Variants in SMAP2 observed in about 807,000 individuals in gnomAD.
The protein encoded by SMAP2 is small ArfGAP2.
In SMAP2, 25 loss-of-function variants were observed where a neutral mutation model predicts 56.4. That is an observed-to-expected ratio of 0.44 (90% CI 0.32 to 0.62). SMAP2 has a LOEUF of 0.62. Among genes scored for constraint, SMAP2 ranks in the 20% least tolerant of loss-of-function variants. The pLI is 0.04. For missense variants in SMAP2, 388 were observed against 545.6 expected (o/e 0.71, Z 2.88); for synonymous variants, 157 against 181.7 (o/e 0.86, Z 1.09).
intron 7 of SMAP2, 34 bp downstream of exon 7, chr1:40,415,415 A>T: frequency 1.5e-6 from 2 of 1,334,608 alleles, no homozygotes; most frequent in Non-Finnish European, 2.2e-6. Flanking sequence ...ATTAAAGAAC[A>T]TTCTGAAATG....
rs150616305 is a variant in SMAP2 at position 40,387,710 on chromosome 1, G to T, written c.103+13487G>T. ...CGTGCTGGCAGCCCTCACAGCCCTC[G>T]CTCGCTCTCGGTGCCTCCTCGGCCT... On this transcript the variant is annotated intron_variant, in intron 1 of 9. Coordinates refer to ENST00000372718, the MANE Select transcript of SMAP2 (RefSeq NM_022733.3). 8.7e-3 allele frequency among the ~76,000 whole-genome samples: 1,324 copies of T among 152,260 alleles called. 14 individuals are homozygous for T. The highest frequency in any genetic ancestry group is 0.03 in the African/African-American group (1,258 of 41,546).
chr1:40,408,013 A>G lies in SMAP2; in HGVS notation c.238-640A>G, dbSNP rs1189593113. Among the ~76,000 whole-genome samples, 1 of 150,614 alleles carries G rather than the reference A, an allele frequency of 6.6e-6. No individual in the cohort carries two copies. The highest frequency in any genetic ancestry group is 1.5e-5 in the Non-Finnish European group (1 of 67,608). On this transcript the variant is annotated intron_variant, in intron 2 of 9. Transcript: ENST00000372718. This position sits in a 1 kb window ranked among gnomAD's most constrained non-coding sequence, Gnocchi z 4.3. ...GGGAAGCCCCCCGCCCCCCAAATCC[A>G]GTTGCTAAAGTTGGTAATGGAAATC...
rs1386635707 is a variant in SMAP2, at chr1:40,359,997, C to CT, written c.-82-2301dup. ...ACAAAAGACAGACTTTTTTCTTCTT[C>CT]TTCTTTCTTTTTTTTTTTTTTTTTT... is the stretch of plus-strand genomic sequence containing the variant. On this transcript the variant is annotated intron_variant, in intron 1 of 6. Transcript: ENST00000435168. 1.7e-4 allele frequency among the ~76,000 whole-genome samples: 20 copies of CT among 119,300 alleles called. No homozygotes were observed. In the Admixed American group the frequency reaches 1.8e-3, roughly 11 times the overall value. 78.3% of individuals were successfully genotyped at this position (119,300 alleles called of 152,430 possible).
At chr1:40,352,970 T>A (rs1644415315) in intron 1 of SMAP2, among the ~76,000 whole-genome samples, 1 of 152,252 alleles carries the variant, frequency 6.6e-6, no homozygotes, top group Admixed American at 6.5e-5. Context: ...AAGACTACGT[T>A]TGCAGATGGA....
chr1:40,413,548 C>T (rs369046545), intron 5 of SMAP2, among the ~76,000 whole-genome samples: 4 of 152,200 alleles, frequency 2.6e-5, no homozygotes, highest in Non-Finnish European at 5.9e-5. Flanking sequence ...CATGTTGAAA[C>T]AGACACCCTT....
At chr1:40,376,057 TC>T (rs923918128) in intron 1 of SMAP2, among the ~76,000 whole-genome samples, 74 of 152,260 alleles carry the variant, frequency 4.9e-4, no homozygotes, top group African/African-American at 1.7e-3. Flanking sequence ...TTCAAGTGAT[TC>T]TCCTGCCTCA....
intron 1 of SMAP2, among the ~76,000 whole-genome samples, chr1:40,398,221 C>T (rs890756788): frequency 1.3e-5 from 2 of 151,780 alleles, no homozygotes; most frequent in Non-Finnish European, 1.5e-5. Flanking sequence ...TGTGCATACG[C>T]GTACATTTAT....
chr1:40,379,333 A>T (rs1279231773), intron 1 of SMAP2, among the ~76,000 whole-genome samples: 5 of 152,080 alleles, frequency 3.3e-5, no homozygotes, highest in Non-Finnish European at 7.3e-5. Flanking sequence ...AAACAATTAC[A>T]TTTAAATATA....
intron 1 of SMAP2, among the ~76,000 whole-genome samples, chr1:40,395,874 C>T (rs2124294250): frequency 6.6e-6 from 1 of 152,316 alleles, no homozygotes; most frequent in African/African-American, 2.4e-5. Context: ...TTTAAGTTAA[C>T]TGCTGAATTA....
At chr1:40,417,154 G>C in intron 9 of SMAP2, 58 bp downstream of exon 9, 1 of 1,269,690 alleles carries the variant, frequency 7.9e-7, no homozygotes, top group South Asian at 1.4e-5. Context: ...AGTTTTTCTC[G>C]GTTTGTACCT....
intron 1 of SMAP2, among the ~76,000 whole-genome samples, chr1:40,402,640 G>A (rs889903929): frequency 6.6e-6 from 1 of 151,886 alleles, no homozygotes; most frequent in African/African-American, 2.4e-5. Flanking sequence ...TAGTAGAGAT[G>A]GGGTTTCACC....
upstream of SMAP2, among the ~76,000 whole-genome samples, chr1:40,371,064 T>C (rs895462790): frequency 1.3e-5 from 2 of 151,922 alleles, no homozygotes; most frequent in African/African-American, 4.8e-5. Flanking sequence ...TCCTAGCTAC[T>C]TGGGAGGCTG....
At chr1:40,405,475 G>A (rs962415723) in intron 1 of SMAP2, among the ~76,000 whole-genome samples, 8 of 152,294 alleles carry the variant, frequency 5.3e-5, no homozygotes, top group South Asian at 2.1e-4. Context: ...GGGTGACAGC[G>A]AGACTGCCTC....
chr1:40,357,914 T>G (rs1484990256), intron 1 of SMAP2, among the ~76,000 whole-genome samples: 2 of 152,162 alleles, frequency 1.3e-5, no homozygotes, highest in East Asian at 3.8e-4. Flanking sequence ...TTCTGGGTCT[T>G]TTGTGGTTTC....
intron 1 of SMAP2, among the ~76,000 whole-genome samples, chr1:40,352,027 T>C (rs996395332): frequency 1.5e-3 from 224 of 152,150 alleles, no homozygotes; most frequent in Non-Finnish European, 2.7e-3. Flanking sequence ...ATCCATGAAT[T>C]TTTTTTTCTT....
Position 40,413,052 on chromosome 1 carries a change from C to T in SMAP2, c.439C>T (p.Pro147Ser). 1 of 1,613,462 alleles carries T rather than the reference C, an allele frequency of 6.2e-7. No homozygotes were observed. Among genetic ancestry groups the T allele is most frequent in the Non-Finnish European group, 8.5e-7 (1 of 1,179,746 alleles). Residue 147 changes from proline (P) to serine (S), a missense_variant, in exon 5 of 10, where the codon CCA becomes TCA. Coordinates refer to ENST00000372718, the MANE Select transcript of SMAP2 (RefSeq NM_022733.3). The stretch of plus-strand genomic sequence containing the variant: ...TGACAAGTGGAAAAGAGGGAGCGAA[C>T]CAGTTCCAGAAAAAAAATTGGAACC... ...KDDKWKRGSE[P>S]VPEKKLEPVV...
chr1:40,410,768 A>T (rs1644927913), intron 4 of SMAP2, among the ~76,000 whole-genome samples: 1 of 152,212 alleles, frequency 6.6e-6, no homozygotes, highest in African/African-American at 2.4e-5. Flanking sequence ...ATGATTTCTG[A>T]AAGAGGAAAA....
chr1:40,358,926 A>G (rs574700680), intron 1 of SMAP2, among the ~76,000 whole-genome samples: 1 of 152,120 alleles, frequency 6.6e-6, no homozygotes, highest in Non-Finnish European at 1.5e-5. Context: ...AGATATATAC[A>G]TCCTCTTGCT....
At chr1:40,379,561 T>G (rs1644576574) in intron 1 of SMAP2, among the ~76,000 whole-genome samples, 1 of 145,986 alleles carries the variant, frequency 6.8e-6, no homozygotes, top group Admixed American at 6.8e-5. Context: ...CTCTCTTTTT[T>G]TTTTTTTTTT....
Sources: gnomAD v4.1 joint callset for allele counts (sites outside exome capture counted in the v4.1 genomes callset) on GRCh38, gnomAD v4.1.1 for gene constraint, Gnocchi (gnomAD v3.1) non-coding constraint, MANE v1.5 for transcripts, NCBI Gene and HGNC (gene_info 2026-07-23, HGNC 2026-07-21) for gene names.